PIGL: variants seen among roughly 807,000 people sequenced by gnomAD.
The protein encoded by PIGL is phosphatidylinositol glycan anchor biosynthesis class L.
PIGL carries 22 observed loss-of-function variants against 31.1 expected under a neutral mutation model. That is an observed-to-expected ratio of 0.71 (90% CI 0.51 to 1.01). The LOEUF (loss-of-function observed/expected upper bound fraction) is 1.01. Among genes scored for constraint, PIGL ranks in the 50% least tolerant of loss-of-function variants. The pLI is 0.00. For synonymous variants in PIGL, 131 were observed against 117.4 expected, an observed-to-expected ratio of 1.12 and a Z score of -0.75; for missense variants, 302 against 315.9, an observed-to-expected ratio of 0.96 and a Z score of 0.33.
At chr17:16,248,210 T>C (rs557517661) in intron 2 of PIGL, among the ~76,000 whole-genome samples, 2 of 152,242 alleles carry the variant, frequency 1.3e-5, no homozygotes, top group African/African-American at 2.4e-5. Context: ...TTTTTTACAA[T>C]ATGGACAGGC....
rs1014165391 is a variant in PIGL, at chr17:16,326,016, C to T, written c.*118C>T. ...CTCAAGGAGATCCCCGCTGGAGCAG[C>T]CTCTGCAAAAGGGAGCCCATGTAGG... is the stretch of plus-strand genomic sequence containing the variant. On this transcript the variant is annotated 3_prime_UTR_variant, in exon 7 of 7. Transcript: ENST00000225609. 1.4e-6 allele frequency: 1 copy of T among 723,364 alleles called. No homozygotes were observed. Among genetic ancestry groups the T allele is most frequent in the East Asian group, 2.6e-5 (1 of 38,324 alleles). 44.8% of individuals were successfully genotyped at this position (723,364 alleles called of 1,614,324 possible).
At chr17:16,310,441 T>G (rs1441391663) in intron 3 of PIGL, among the ~76,000 whole-genome samples, 1 of 152,044 alleles carries the variant, frequency 6.6e-6, no homozygotes, top group Non-Finnish European at 1.5e-5. Flanking sequence ...AATACGATAT[T>G]CCCTCACAGA....
chr17:16,317,549 A>G (rs556047433), intron 5 of PIGL: 15 of 1,280,612 alleles, frequency 1.2e-5, no homozygotes, highest in Middle Eastern at 6.2e-4. Context: ...GGTAGGGCAC[A>G]CCGCAGGGTA....
intron 2 of PIGL, chr17:16,281,913 G>A: frequency 2.7e-6 from 1 of 365,132 alleles, no homozygotes; most frequent in Non-Finnish European, 6.1e-6. Flanking sequence ...AGCCAAAGGG[G>A]AGCAAGAGCA....
chr17:16,325,227 C>A (rs1362201632), intron 6 of PIGL, among the ~76,000 whole-genome samples: 1 of 151,116 alleles, frequency 6.6e-6, no homozygotes, highest in Non-Finnish European at 1.5e-5. Context: ...TGCCTGTAGT[C>A]CCAGCTACTC....
At chr17:16,219,253 G>T (rs1421175241) in intron 1 of PIGL, among the ~76,000 whole-genome samples, 2 of 151,294 alleles carry the variant, frequency 1.3e-5, no homozygotes, top group Middle Eastern at 3.2e-3. Flanking sequence ...GTAGAGACGG[G>T]GTTTCACTGT....
At chr17:16,263,453 G>A (rs1385022255) in intron 2 of PIGL, among the ~76,000 whole-genome samples, 1 of 151,744 alleles carries the variant, frequency 6.6e-6, no homozygotes, top group Non-Finnish European at 1.5e-5. Context: ...TTACAGTTGT[G>A]AGCCACCACA....
chr17:16,217,369 CG>C lies in PIGL; in HGVS notation c.144del (p.His49ThrfsTer14). On this transcript the variant is annotated frameshift_variant, in exon 1 of 7. Coordinates refer to ENST00000225609, the MANE Select transcript of PIGL (RefSeq NM_004278.4). LOFTEE classifies it high-confidence loss of function. ...GAAAGCCGGACCCTGCTGGTCATAG[CG>C]CACCCTGACGATGAAGCCATGTTTT... ...GAESRTLLVI[A>X]HPDDEAMFFA... 1 of 1,614,186 alleles carries C rather than the reference CG, an allele frequency of 6.2e-7. No individual in the cohort carries two copies. The highest frequency in any genetic ancestry group is 1.3e-5 in the African/African-American group (1 of 75,040).
At chr17:16,218,098 G>C (rs946933204) in intron 1 of PIGL, 5 of 152,182 alleles carry the variant, frequency 3.3e-5, no homozygotes, top group African/African-American at 1.2e-4. Flanking sequence ...CATTAAGCTG[G>C]AATATGGTGA....
chr17:16,282,090 C>T (rs751744435), intron 2 of PIGL: 10 of 508,964 alleles, frequency 2.0e-5, no homozygotes, highest in South Asian at 4.4e-5. Context: ...CACTGCCTTT[C>T]GAGAATAATT....
chr17:16,313,606 A>C lies in PIGL; in HGVS notation c.486A>C (p.Ala162=). The change falls in exon 4 of 7, where the codon GCA becomes GCC. Residue 162 remains alanine, a synonymous_variant. Transcript: ENST00000225609. ...ACAGCAATCACATTGCTCTGTATGC[A>C]GCTGTGAGGTATGATTCTCCGGGTG... ...SGHSNHIALY[A]AVRALHSEGK... 6.2e-7 allele frequency: 1 copy of C among 1,612,360 alleles called. No individual in the cohort carries two copies. The highest frequency in any genetic ancestry group is 8.5e-7 in the Non-Finnish European group (1 of 1,178,344).
intron 2 of PIGL, among the ~76,000 whole-genome samples, chr17:16,298,021 C>T (rs913041695): frequency 7.2e-5 from 11 of 152,062 alleles, no homozygotes; most frequent in East Asian, 3.9e-4. Context: ...ACTCCGCGTG[C>T]GAGGGATCTA....
At chr17:16,293,663 A>G (rs1393919412) in intron 2 of PIGL, among the ~76,000 whole-genome samples, 1 of 151,828 alleles carries the variant, frequency 6.6e-6, no homozygotes, top group Non-Finnish European at 1.5e-5. Context: ...TAAACCCCCT[A>G]ACACACTTCC....
chr17:16,313,573 A>C lies in PIGL; in HGVS notation c.453A>C (p.Val151=), dbSNP rs775722933. 4.6e-5 allele frequency: 75 copies of C among 1,613,730 alleles called. No homozygotes were observed. Among genetic ancestry groups the C allele is most frequent in the Non-Finnish European group, 5.9e-5 (70 of 1,179,712 alleles). Residue 151 remains valine, a synonymous_variant, in exon 4 of 7, where the codon GTA becomes GTC. Transcript: ENST00000225609. ...TGGTGACTTTCGATGCAGGGGGAGT[A>C]AGTGGCCACAGCAATCACATTGCTC... ...NLVVTFDAGG[V]SGHSNHIALY... is the part of the protein sequence containing the mutation.
rs2092582590 is a variant in PIGL, at chr17:16,217,253, G to A, written c.27G>A (p.Val9=). MEAMWLLC[V]ALAVLAWGFL... ...TGGAAGCAATGTGGCTCCTGTGTGT[G>A]GCGTTGGCGGTCTTGGCATGGGGCT... is the stretch of plus-strand genomic sequence containing the variant. Residue 9 remains valine (V), a synonymous_variant, in exon 1 of 7, where the codon GTG becomes GTA. Coordinates refer to ENST00000225609, the MANE Select transcript of PIGL (RefSeq NM_004278.4). 6 of 1,614,178 alleles carry A rather than the reference G, an allele frequency of 3.7e-6. No homozygotes were observed. The highest frequency in any genetic ancestry group is 4.2e-6 in the Non-Finnish European group (5 of 1,180,014).
Position 16,316,478 on chromosome 17 carries a change from C to T in PIGL, c.495-203C>T, listed in dbSNP as rs1005380. On this transcript the variant is annotated intron_variant, in intron 4 of 6. Transcript: ENST00000225609. Reference sequence around the variant, plus strand: ...GCCTCTGGATTGGCTGTCCCTAGCTCAGGTGCCCATCCTGGTCCCTTCAGC... The same window carrying T: ...GCCTCTGGATTGGCTGTCCCTAGCTTAGGTGCCCATCCTGGTCCCTTCAGC... 0.91 allele frequency among the ~76,000 whole-genome samples: 138,794 copies of T among 152,210 alleles called. 63,606 individuals are homozygous for T. Among genetic ancestry groups the T allele is most frequent in the Non-Finnish European group, 0.97 (65,819 of 68,020 alleles).
intron 2 of PIGL, among the ~76,000 whole-genome samples, chr17:16,251,837 C>T (rs1009754552): frequency 1.3e-5 from 2 of 151,894 alleles, no homozygotes; most frequent in African/African-American, 4.8e-5. Flanking sequence ...CATTTGTGGA[C>T]AGCTATTTCA....
intron 2 of PIGL, among the ~76,000 whole-genome samples, chr17:16,249,231 C>A (rs2092760821): frequency 1.3e-5 from 2 of 152,172 alleles, no homozygotes; most frequent in African/African-American, 4.8e-5. Context: ...GTAATCCCAG[C>A]AATTTGGGAG....
intron 2 of PIGL, among the ~76,000 whole-genome samples, chr17:16,291,009 C>A (rs1422140942): frequency 6.6e-6 from 1 of 152,146 alleles, no homozygotes; most frequent in Non-Finnish European, 1.5e-5. Flanking sequence ...TAAAGCTTGA[C>A]TACTATTTGA....
Sources: gnomAD v4.1 joint callset for allele counts (sites outside exome capture counted in the v4.1 genomes callset) on GRCh38, gnomAD v4.1.1 for gene constraint, MANE v1.5 for transcripts, NCBI Gene and HGNC (gene_info 2026-07-23, HGNC 2026-07-21) for gene names.